Variants in ADGRB3 observed in about 807,000 individuals in gnomAD.
The protein encoded by ADGRB3 is adhesion G protein-coupled receptor B3, also known as brain-specific angiogenesis inhibitor 3.
A neutral mutation model predicts 193.4 loss-of-function variants in ADGRB3; 37 were observed. That is an observed-to-expected ratio of 0.19 (90% CI 0.15 to 0.25). ADGRB3 has a LOEUF of 0.25. Among genes scored for constraint, ADGRB3 ranks in the 10% least tolerant of loss-of-function variants. The pLI is 1.00. For synonymous variants in ADGRB3, 690 were observed against 644.2 expected (o/e 1.07, Z -1.08); for missense variants, 1,637 against 1,852.9 (o/e 0.88, Z 2.14).
At chr6:69,052,653 G>T (rs1005618038) in intron 15 of ADGRB3, among the ~76,000 whole-genome samples, 2 of 152,116 alleles carry the variant, frequency 1.3e-5, no homozygotes, top group African/African-American at 2.4e-5. Flanking sequence ...AAATAATTTT[G>T]CATGTTGACT....
chr6:68,758,661 A>T (rs1766341307), intron 3 of ADGRB3, among the ~76,000 whole-genome samples: 1 of 152,162 alleles, frequency 6.6e-6, no homozygotes, highest in African/African-American at 2.4e-5. Flanking sequence ...TTCTATACAC[A>T]TGCAGTCCAG....
chr6:69,048,238 C>A lies in ADGRB3; in HGVS notation c.2161C>A (p.Pro721Thr). 1 of 1,613,626 alleles carries A rather than the reference C, an allele frequency of 6.2e-7. No individual in the cohort carries two copies. ...AASVLTDINF[P>T]MKGRKGMVDW... The stretch of plus-strand genomic sequence containing the variant: ...CTCTGTTCTAACAGACATCAACTTT[C>A]CAATGAAAGGACGGAAGGGAATGGT... The change falls in exon 14 of 32, where the codon CCA becomes ACA. Residue 721 changes from proline (P) to threonine (T), a missense_variant. Physicochemically the swap from Pro to Thr is conservative, Grantham distance 38. Coordinates refer to ENST00000370598, the MANE Select transcript of ADGRB3 (RefSeq NM_001704.3).
chr6:68,788,906 TA>T (rs1163548625), intron 3 of ADGRB3, among the ~76,000 whole-genome samples: 1 of 152,258 alleles, frequency 6.6e-6, no homozygotes, highest in Non-Finnish European at 1.5e-5. Context: ...TACCATTATG[TA>T]ATGGCCTTCT....
intron 20 of ADGRB3, among the ~76,000 whole-genome samples, chr6:69,264,019 C>G (rs1766982047): frequency 1.3e-5 from 2 of 151,806 alleles, no homozygotes; most frequent in Non-Finnish European, 2.9e-5. Context: ...TTCCAAAGTC[C>G]AAATTCTAAA....
At chr6:69,327,772 A>T (rs372201216) in intron 21 of ADGRB3, 48 bp from the exon 22 acceptor site, 30 of 1,556,626 alleles carry the variant, frequency 1.9e-5, no homozygotes, top group Admixed American at 3.4e-5. Flanking sequence ...ACCAGTATGC[A>T]TAGTGGTTAT....
chr6:69,152,308 C>T (rs1311611311), intron 17 of ADGRB3, among the ~76,000 whole-genome samples: 1 of 152,156 alleles, frequency 6.6e-6, no homozygotes, highest in Non-Finnish European at 1.5e-5. Flanking sequence ...TTCACACATC[C>T]AGAGAGAAAC....
At chr6:68,756,983 G>A (rs1468190823) in intron 3 of ADGRB3, among the ~76,000 whole-genome samples, 1 of 152,064 alleles carries the variant, frequency 6.6e-6, no homozygotes, top group East Asian at 1.9e-4. Context: ...CTAAATAGTG[G>A]TTACATGTCT....
chr6:68,861,253 C>A (rs750559955), intron 3 of ADGRB3, among the ~76,000 whole-genome samples: 1 of 152,116 alleles, frequency 6.6e-6, no homozygotes, highest in Non-Finnish European at 1.5e-5. Flanking sequence ...GTTTGCAACC[C>A]AACTTCACTA....
chr6:69,040,181 G>T (rs763692907), intron 13 of ADGRB3, among the ~76,000 whole-genome samples: 2 of 152,142 alleles, frequency 1.3e-5, no homozygotes, highest in South Asian at 4.1e-4. Flanking sequence ...TGACCTTTGT[G>T]TAAGGTTGTG....
At chr6:68,638,239 C>T (rs1049923214) in intron 2 of ADGRB3, among the ~76,000 whole-genome samples, 1 of 152,052 alleles carries the variant, frequency 6.6e-6, no homozygotes, top group Admixed American at 6.5e-5. Flanking sequence ...TAGTGTTTAC[C>T]GCAGAGGACA....
chr6:68,733,031 A>C (rs566564605), intron 3 of ADGRB3, among the ~76,000 whole-genome samples: 48 of 151,792 alleles, frequency 3.2e-4, no homozygotes, highest in Non-Finnish European at 5.2e-4. Context: ...ATTTACCACC[A>C]TCTTTATAAT....
In ADGRB3 at chr6:69,215,132, G is replaced by T. The variant is rs540848289; in HGVS notation, c.2481-18158G>T. ...GATTGGACATTGAGGAGATAACATG[G>T]CAATGCAGTACAGAACCCTGCAGTA... On this transcript the variant is annotated intron_variant, in intron 17 of 31. Transcript: ENST00000370598. 4.7e-4 allele frequency among the ~76,000 whole-genome samples: 71 copies of T among 152,082 alleles called. 1 individual carries two copies. The highest frequency in any genetic ancestry group is 9.3e-4 in the Non-Finnish European group (63 of 68,014).
chr6:68,990,061 A>G lies in ADGRB3; in HGVS notation c.1735-3707A>G, dbSNP rs569630090. Reference sequence around the variant, plus strand: ...ACAAAGGAGGAGAAGTAGAATGCAAATAAAGGACAGTTTGAAACAAGGAAG... The same window carrying G: ...ACAAAGGAGGAGAAGTAGAATGCAAGTAAAGGACAGTTTGAAACAAGGAAG... On this transcript the variant is annotated intron_variant, in intron 10 of 31. Coordinates refer to ENST00000370598, the MANE Select transcript of ADGRB3 (RefSeq NM_001704.3). Among the ~76,000 whole-genome samples the G allele has an allele frequency of 3.3e-4, 50 of 152,314 alleles. No homozygotes were observed. In the South Asian group the frequency reaches 9.5e-3, roughly 29 times the overall value.
intron 13 of ADGRB3, among the ~76,000 whole-genome samples, chr6:69,020,946 AT>A (rs1213345716): frequency 6.6e-6 from 1 of 152,036 alleles, no homozygotes; most frequent in African/African-American, 2.4e-5. Context: ...TATGTAAAAC[AT>A]TATAATGTTT....
chr6:69,226,656 A>G (rs1438692297), intron 17 of ADGRB3, among the ~76,000 whole-genome samples: 1 of 152,256 alleles, frequency 6.6e-6, no homozygotes, highest in Non-Finnish European at 1.5e-5. Context: ...GCTTAAAACA[A>G]CAACCATTAT....
rs1381979197 is a variant in ADGRB3, at chr6:69,043,652, A to T, written c.2108-4533A>T. On this transcript the variant is annotated intron_variant, in intron 13 of 31. Coordinates refer to ENST00000370598, the MANE Select transcript of ADGRB3 (RefSeq NM_001704.3). ...ACATGGGACCATTCAAGCACCAAAC[A>T]CTGTTCTAGGTGAACTATTCTCAGC... Among the ~76,000 whole-genome samples the T allele has an allele frequency of 3.3e-5, 5 of 152,158 alleles. No individual in the cohort carries two copies. The East Asian group carries it at 9.6e-4, about 29-fold the overall frequency.
chr6:69,018,826 A>ATG lies in ADGRB3; in HGVS notation c.2107+339_2107+340dup, dbSNP rs375641912. The stretch of plus-strand genomic sequence containing the variant: ...TCATTGCTATCTAATCTAGTTATGA[A>ATG]TGTGTGTGTGTGTATACACACTAGT... On this transcript the variant is annotated intron_variant, in intron 13 of 31. Transcript: ENST00000370598. 3.2e-3 allele frequency among the ~76,000 whole-genome samples: 486 copies of ATG among 151,812 alleles called. 1 individual carries two copies. Among genetic ancestry groups the ATG allele is most frequent in the African/African-American group, 0.011 (472 of 41,442 alleles).
intron 4 of ADGRB3, among the ~76,000 whole-genome samples, chr6:68,936,260 C>G (rs1316866018): frequency 1.3e-5 from 2 of 152,186 alleles, no homozygotes; most frequent in African/African-American, 4.8e-5. Context: ...TTAGTTCCTT[C>G]ATAGTGTCCA....
At chr6:68,879,396 T>G (rs1472146970) in intron 3 of ADGRB3, among the ~76,000 whole-genome samples, 1 of 151,680 alleles carries the variant, frequency 6.6e-6, no homozygotes, top group African/African-American at 2.4e-5. Flanking sequence ...TTTTGTATAT[T>G]TTTTTGTATT....
Sources: allele counts gnomAD v4.1 joint callset (sites outside exome capture counted in the v4.1 genomes callset), GRCh38; gene constraint gnomAD v4.1.1; transcripts MANE v1.5; gene names NCBI Gene and HGNC (gene_info 2026-07-23, HGNC 2026-07-21).